The following ADAM19 variants were observed in gnomAD, a reference collection of about 807,000 sequenced individuals.
ADAM19 encodes ADAM metallopeptidase domain 19.
A neutral mutation model predicts 114.7 loss-of-function variants in ADAM19; 65 were observed. The observed-to-expected ratio is 0.57, with a 90% CI of 0.46 to 0.70. The LOEUF is 0.70. Ranked by LOEUF, ADAM19 falls within the 30% of genes least tolerant of loss-of-function variation. ADAM19 has a pLI of 0.00. For synonymous variants in ADAM19, 466 were observed against 460.5 expected (o/e 1.01, Z -0.15); for missense variants, 1,063 against 1,204.7 (o/e 0.88, Z 1.74).
At chr5:157,487,167 C>T (rs1298575755) in intron 21 of ADAM19, among the ~76,000 whole-genome samples, 1 of 152,110 alleles carries the variant, frequency 6.6e-6, no homozygotes, top group African/African-American at 2.4e-5. Context: ...GTACACTCTC[C>T]ACCTCTCTCT....
chr5:157,567,737 C>T (rs1431083919), intron 2 of ADAM19, among the ~76,000 whole-genome samples: 1 of 151,360 alleles, frequency 6.6e-6, no homozygotes, highest in Non-Finnish European at 1.5e-5. Flanking sequence ...GCAGAGGTTG[C>T]GGTAAGCTGA....
At chr5:157,553,383 T>C (rs1243646147) in intron 3 of ADAM19, among the ~76,000 whole-genome samples, 2 of 152,216 alleles carry the variant, frequency 1.3e-5, no homozygotes, top group East Asian at 1.9e-4. Context: ...TTTCATGGGC[T>C]AAAAAGTAAG....
chr5:157,520,750 G>A (rs992458320), intron 5 of ADAM19, among the ~76,000 whole-genome samples: 4 of 152,198 alleles, frequency 2.6e-5, no homozygotes, highest in Admixed American at 6.5e-5. Context: ...CCTGCCCCAC[G>A]TCAGCACGGT....
At chr5:157,529,248 G>T (rs1394331639) in intron 5 of ADAM19, among the ~76,000 whole-genome samples, 1 of 151,444 alleles carries the variant, frequency 6.6e-6, no homozygotes, top group East Asian at 1.9e-4. Context: ...GCACCACATA[G>T]TACAGACAAT....
intron 14 of ADAM19, among the ~76,000 whole-genome samples, chr5:157,496,347 A>G (rs1373891158): frequency 1.3e-5 from 2 of 152,226 alleles, no homozygotes; most frequent in African/African-American, 4.8e-5. Flanking sequence ...ACAATGGTGC[A>G]GTAAACATCA....
Position 157,532,265 on chromosome 5 carries a change from C to CT in ADAM19, c.331-1383dup, listed in dbSNP as rs1756646817. On this transcript the variant is annotated intron_variant, in intron 4 of 22. Coordinates refer to ENST00000257527, the MANE Select transcript of ADAM19 (RefSeq NM_033274.5). ...CCATAGCCAGCAAACGGAGTCACAG[C>CT]TTCAGCCTTCGTGGGGCTTATGGTC... Among the ~76,000 whole-genome samples, 3 of 152,348 alleles carry CT rather than the reference C, an allele frequency of 2.0e-5. No individual in the cohort carries two copies. The South Asian group carries it at 6.2e-4, about 32-fold the overall frequency.
intron 21 of ADAM19, among the ~76,000 whole-genome samples, chr5:157,486,411 C>A (rs1754932061): frequency 6.6e-6 from 1 of 152,146 alleles, no homozygotes; most frequent in African/African-American, 2.4e-5. Context: ...AGAAGCTGTG[C>A]TTGGGGGCTG....
rs540828812 is a variant in ADAM19, at chr5:157,495,076, G to A, written c.1595-281C>T. ...ACAATCACGGCTCATTGCATCCTCC[G>A]CCTCTTGGGTTCAAGCAATTCTCTA... On this transcript the variant is annotated intron_variant, in intron 14 of 22. Transcript: ENST00000257527. Among the ~76,000 whole-genome samples, 125 of 151,630 alleles carry A rather than the reference G, an allele frequency of 8.2e-4. 2 individuals are homozygous for A. The highest frequency in any genetic ancestry group is 2.9e-3 in the African/African-American group (118 of 41,332).
Position 157,509,331 on chromosome 5 carries a change from T to A in ADAM19, c.875A>T (p.Gln292Leu), listed in dbSNP as rs1561536299. The A allele has an allele frequency of 6.2e-7, 1 of 1,611,972 alleles. No individual in the cohort carries two copies. The highest frequency in any genetic ancestry group is 2.2e-5 in the East Asian group (1 of 44,844). ...FLSWRRKLLA[Q>L]KYHDNAQLIT... ...TAATTGGGCGTTGTCATGGTACTTC[T>A]GGGCAAGCAGCTTGCGCCTCCAACT... Residue 292 changes from glutamine (Q) to leucine (L), a missense_variant, in exon 9 of 23, where the codon CAG becomes CTG. By Grantham distance (113) the Gln-to-Leu change is moderately radical. Around this residue, in one of 3 missense-constraint regions of ADAM19, gnomAD observed 615 missense variants for 706.3 expected, o/e 0.87. Transcript: ENST00000257527.
At chr5:157,512,379 C>T (rs772249823) in intron 8 of ADAM19, among the ~76,000 whole-genome samples, 3 of 152,114 alleles carry the variant, frequency 2.0e-5, no homozygotes, top group Non-Finnish European at 4.4e-5. Context: ...AATGATTTTC[C>T]CTTTAGACCT....
intron 2 of ADAM19, 128 bp from the exon 3 acceptor site, chr5:157,564,571 T>C (rs1757601437): frequency 3.8e-6 from 3 of 783,314 alleles, no homozygotes; most frequent in Non-Finnish European, 6.7e-6. Flanking sequence ...GTCAATTGCA[T>C]TTCCAGCCCA....
chr5:157,486,983 C>T (rs979489610), intron 21 of ADAM19, among the ~76,000 whole-genome samples: 4 of 152,064 alleles, frequency 2.6e-5, no homozygotes, highest in Non-Finnish European at 5.9e-5. Flanking sequence ...GGAAAGGCCT[C>T]GTGAGAACAC....
chr5:157,484,906 G>T (rs1754885329), intron 21 of ADAM19, among the ~76,000 whole-genome samples: 1 of 152,240 alleles, frequency 6.6e-6, no homozygotes, highest in African/African-American at 2.4e-5. Flanking sequence ...TCATCAGCAT[G>T]TCAGCACTGG....
At chr5:157,572,570 G>A (rs1005567168) in intron 1 of ADAM19, among the ~76,000 whole-genome samples, 14 of 152,242 alleles carry the variant, frequency 9.2e-5, no homozygotes, top group South Asian at 8.3e-4. Context: ...TCAGAATACC[G>A]ATATAATGCA....
chr5:157,517,500 C>A (rs1046065131), intron 7 of ADAM19, among the ~76,000 whole-genome samples: 2 of 152,098 alleles, frequency 1.3e-5, no homozygotes, highest in Admixed American at 1.3e-4. Context: ...GGCTCTGGGG[C>A]CTAAACTCAC....
At chr5:157,501,041 T>A (rs1755547292) in intron 12 of ADAM19, among the ~76,000 whole-genome samples, 1 of 152,128 alleles carries the variant, frequency 6.6e-6, no homozygotes, top group Non-Finnish European at 1.5e-5. Flanking sequence ...TACCCCTAAC[T>A]GTCCAGGGCT....
intron 2 of ADAM19, chr5:157,567,996 AAC>A (rs1353056067): frequency 6.6e-6 from 1 of 151,004 alleles, no homozygotes; most frequent in East Asian, 1.9e-4. Flanking sequence ...TTTTTTTTTA[AAC>A]AGAGTCTCGC....
intron 5 of ADAM19, among the ~76,000 whole-genome samples, chr5:157,524,692 G>A (rs1756404101): frequency 6.6e-6 from 1 of 152,208 alleles, no homozygotes; most frequent in Non-Finnish European, 1.5e-5. Flanking sequence ...TGTAGGTCAT[G>A]TACTTTCTCA....
intron 12 of ADAM19, 110 bp downstream of exon 12, chr5:157,502,693 T>C (rs1755607630): frequency 1.6e-6 from 2 of 1,218,762 alleles, no homozygotes; most frequent in Non-Finnish European, 2.4e-6. Context: ...GACAGTTATA[T>C]GTAGGAAACA....
Sources: allele counts gnomAD v4.1 joint callset (sites outside exome capture counted in the v4.1 genomes callset), GRCh38; gene constraint gnomAD v4.1.1; regional missense constraint gnomAD v4.1.1; transcripts MANE v1.5; gene names NCBI Gene and HGNC (gene_info 2026-07-23, HGNC 2026-07-21).